ZNF414: variants seen among roughly 807,000 people sequenced by gnomAD.
The protein encoded by ZNF414 is zinc finger protein 414.
ZNF414 carries 32 observed loss-of-function variants against 38.3 expected under a neutral mutation model. That is an observed-to-expected ratio of 0.83 (90% confidence interval 0.63 to 1.12). The LOEUF (loss-of-function observed/expected upper bound fraction) is 1.12. Ranked by LOEUF, ZNF414 falls within the 50% of genes most tolerant of loss-of-function variation. The probability of loss-of-function intolerance (pLI) is 0.00; values close to 1 mark genes in which losing one functional copy is unlikely to be tolerated. For missense variants in ZNF414, 589 were observed against 557.4 expected (o/e 1.06, Z -0.57); for synonymous variants, 256 against 248.0 (o/e 1.03, Z -0.30).
In ZNF414 at chr19:8,510,900, G is replaced by A; in HGVS notation, c.1050C>T (p.Gly350=). 8.6e-7 allele frequency: 1 copy of A among 1,169,036 alleles called. No individual in the cohort carries two copies. Among genetic ancestry groups the A allele is most frequent in the African/African-American group, 1.6e-5 (1 of 61,428 alleles). The allele number at this position is 1,169,036 out of a possible 1,614,324, so 72.4% of individuals were successfully genotyped here. A position where few individuals can be genotyped will look rare whatever the true frequency, so the allele number is the denominator to read the frequency against. ...GCCCGGCCGCGGGGGCCGCGGGGGC[G>A]CCGGGGCGGTGGTCCTCCAGGTGCA... The part of the protein sequence containing the change: ...MTLHLEDHRP[G]APAAPAAGPP... Residue 350 remains glycine, a synonymous_variant, in exon 7 of 8, where the codon GGC becomes GGT. Transcript: ENST00000393927.
rs915948391 is a variant in ZNF414 at position 8,513,172 on chromosome 19, C to A, written c.173G>T (p.Arg58Leu). Residue 58 changes from arginine (R) to leucine (L), a missense_variant, in exon 2 of 8, where the codon CGT (arginine) becomes CTT (leucine). By Grantham distance (102) the Arg-to-Leu change is moderately radical. Coordinates refer to ENST00000393927, the MANE Select transcript of ZNF414 (RefSeq NM_001146175.2). ...CTGCTGCATCCCTCCAGCCCCTCCA[C>A]GTTCCCACACTGGCGGTGTGGCTGC... is the stretch of plus-strand genomic sequence containing the variant. ...EQAATPPVWERGGAGGMQQGS... is the reference protein window; with the variant it reads ...EQAATPPVWELGGAGGMQQGS... The A allele has an allele frequency of 6.4e-7, 1 of 1,555,970 alleles. No homozygotes were observed. The highest frequency in any genetic ancestry group is 2.4e-5 in the East Asian group (1 of 42,116).
chr19:8,510,624 T>C lies in ZNF414; in HGVS notation c.*67A>G. The stretch of plus-strand genomic sequence containing the variant: ...CTTTATTGTCCACCCCAGCCCCCCT[T>C]CCCTGCAGCCCCCTCCAAATGACAA... On this transcript the variant is annotated 3_prime_UTR_variant, in exon 8 of 8. Coordinates refer to ENST00000393927, the MANE Select transcript of ZNF414 (RefSeq NM_001146175.2). The C allele has an allele frequency of 7.5e-7, 1 of 1,330,374 alleles. No individual in the cohort carries two copies. Among genetic ancestry groups the C allele is most frequent in the Non-Finnish European group, 1.0e-6 (1 of 970,756 alleles). The allele number at this position is 1,330,374 out of a possible 1,614,324, so 82.4% of individuals were successfully genotyped here.
intron 5 of ZNF414, 35 bp from the exon 6 acceptor site, chr19:8,511,571 G>A (rs1252466340): frequency 3.2e-6 from 5 of 1,556,498 alleles, no homozygotes; most frequent in Admixed American, 1.9e-5. Flanking sequence ...TCAGAGTCAG[G>A]GCGAGCCCAG....
intron 1 of ZNF414, 85 bp downstream of exon 1, chr19:8,513,959 C>A: frequency 7.6e-7 from 1 of 1,315,040 alleles, no homozygotes; most frequent in Non-Finnish European, 9.7e-7. Context: ...GGGGCGGGGT[C>A]GGCCGGAGGC....
At chr19:8,514,017 C>T in intron 1 of ZNF414, 27 bp downstream of exon 1, 1 of 1,448,006 alleles carries the variant, frequency 6.9e-7, no homozygotes, top group Non-Finnish European at 9.1e-7. Context: ...AGCTCCGCCG[C>T]GCCCGCGACC....
At chr19:8,511,077 C>G (rs1971906625) in intron 6 of ZNF414, 53 bp from the exon 7 acceptor site, 5 of 1,286,494 alleles carry the variant, frequency 3.9e-6, no homozygotes, top group East Asian at 3.1e-5. Context: ...CCAGAAGACC[C>G]GTGCGCCAAG....
In ZNF414 at chr19:8,514,104, G is replaced by A. The variant is rs947394647; in HGVS notation, c.-58C>T. ...CTCCGGCGGCTGCAGCTTAGGCGGC[G>A]GCCACCCTCTGGGCAGTGCGAGTTC... On this transcript the variant is annotated 5_prime_UTR_variant, in exon 1 of 8. Coordinates refer to ENST00000393927, the MANE Select transcript of ZNF414 (RefSeq NM_001146175.2). 6.5e-5 allele frequency: 94 copies of A among 1,451,554 alleles called. No individual in the cohort carries two copies. In the Middle Eastern group the frequency reaches 7.3e-4, roughly 11 times the overall value. 89.9% of individuals were successfully genotyped at this position (1,451,554 alleles called of 1,614,324 possible).
Position 8,513,101 on chromosome 19 carries a change from T to C in ZNF414, c.244A>G (p.Ser82Gly). Residue 82 changes from serine (S) to glycine (G), a missense_variant, in exon 2 of 8, where the codon AGC becomes GGC. Physicochemically the swap from Ser to Gly is moderately conservative, Grantham distance 56 (BLOSUM62 0). Transcript: ENST00000393927. ...PDSCQPGPGP[S>G]PGLTSIVSGT... Reference sequence around the variant, plus strand: ...GAGACTATGCTGGTCAGGCCAGGGCTGGGTCCGGGGCCAGGCTGGCAGCTG... The same window carrying C: ...GAGACTATGCTGGTCAGGCCAGGGCCGGGTCCGGGGCCAGGCTGGCAGCTG... 1 of 1,533,846 alleles carries C rather than the reference T, an allele frequency of 6.5e-7. No individual in the cohort carries two copies. The highest frequency in any genetic ancestry group is 8.8e-7 in the Non-Finnish European group (1 of 1,142,246).
intron 2 of ZNF414, 27 bp downstream of exon 2, chr19:8,513,002 T>G: frequency 7.0e-7 from 1 of 1,437,722 alleles, no homozygotes; most frequent in South Asian, 1.5e-5. Context: ...GGACTGTGAT[T>G]CCCCAGAAGA....
chr19:8,511,442 A>G (rs573707429), intron 6 of ZNF414, 44 bp downstream of exon 6: 1 of 1,602,296 alleles, frequency 6.2e-7, no homozygotes, highest in East Asian at 2.3e-5. Flanking sequence ...AGGGCGCAGG[A>G]AAGAAAGCCC....
At position 8,513,269 on chromosome 19, in the gene ZNF414, C is replaced by G; in HGVS notation, c.76G>C (p.Glu26Gln). Residue 26 changes from glutamate to glutamine, a missense_variant, in exon 2 of 8, where the codon GAG becomes CAG. Glu to Gln is a conservative substitution (Grantham distance 29). Coordinates refer to ENST00000393927, the MANE Select transcript of ZNF414 (RefSeq NM_001146175.2). ...GCTGGCACAGCCGGGGACAACACCTCCTTGTCGGTCTCACTGGAGCTGGGC... is the reference window on the plus strand; with the variant it reads ...GCTGGCACAGCCGGGGACAACACCTGCTTGTCGGTCTCACTGGAGCTGGGC... ...AEPSSSETDK[E>Q]VLSPAVPAAA... 1 of 1,595,862 alleles carries G rather than the reference C, an allele frequency of 6.3e-7. No individual in the cohort carries two copies. The highest frequency in any genetic ancestry group is 8.5e-7 in the Non-Finnish European group (1 of 1,178,278).
In ZNF414 at chr19:8,510,306, AAG is replaced by A. The variant is rs1971895497; in HGVS notation, c.*383_*384del. 3 of 143,478 alleles carry A rather than the reference AAG, an allele frequency of 2.1e-5. No homozygotes were observed. The highest frequency in any genetic ancestry group is 5.8e-5 in the African/African-American group (2 of 34,512). 8.9% of individuals were successfully genotyped at this position (143,478 alleles called of 1,614,324 possible). A position where few individuals can be genotyped will look rare whatever the true frequency, so the allele number is the denominator to read the frequency against. Reference sequence around the variant, plus strand: ...CTGTCTCAAAAAAGAAAAAAAAAAAAAGAAAAAAAAAAAAAAAGAAAACTGGA... The same window carrying A: ...CTGTCTCAAAAAAGAAAAAAAAAAAAAAAAAAAAAAAAAAAGAAAACTGGA... On this transcript the variant is annotated 3_prime_UTR_variant, in exon 8 of 8. Coordinates refer to ENST00000393927, the MANE Select transcript of ZNF414 (RefSeq NM_001146175.2).
intron 4 of ZNF414, 162 bp from the exon 5 acceptor site, chr19:8,512,122 G>C (rs1971926394): frequency 7.1e-7 from 1 of 1,403,508 alleles, no homozygotes; most frequent in African/African-American, 1.5e-5. Context: ...TGACCACTTC[G>C]GGTGGGAACC....
rs763014445 is a variant in ZNF414, at chr19:8,511,857, C to A, written c.634G>T (p.Ala212Ser). Reference sequence around the variant, plus strand: ...GGCGCGGGCGGCTCTCGGTCCAGGGCCGGGGGTGGCGGCGGGGCTGGGCTC... The same window carrying A: ...GGCGCGGGCGGCTCTCGGTCCAGGGACGGGGGTGGCGGCGGGGCTGGGCTC... ...AQSPAPPPPPALDREPPAPER... is the reference protein window; with the variant it reads ...AQSPAPPPPPSLDREPPAPER... The change falls in exon 5 of 8, where the codon GCC (alanine) becomes TCC (serine). Residue 212 changes from alanine to serine, a missense_variant. Coordinates refer to ENST00000393927, the MANE Select transcript of ZNF414 (RefSeq NM_001146175.2). 12 of 1,404,288 alleles carry A rather than the reference C, an allele frequency of 8.5e-6. No individual in the cohort carries two copies. The highest frequency in any genetic ancestry group is 1.1e-5 in the Non-Finnish European group (12 of 1,087,614). The allele number at this position is 1,404,288 out of a possible 1,614,324, so 87.0% of individuals were successfully genotyped here.
At chr19:8,513,917 G>T in intron 1 of ZNF414, 127 bp downstream of exon 1, 1 of 1,184,262 alleles carries the variant, frequency 8.4e-7, no homozygotes, top group South Asian at 2.1e-5. Context: ...CTCTCCGAGT[G>T]ACAGCCAGCG....
chr19:8,512,317 G>C, intron 4 of ZNF414, 70 bp downstream of exon 4: 2 of 1,583,264 alleles, frequency 1.3e-6, no homozygotes, highest in Non-Finnish European at 1.7e-6. Flanking sequence ...ACCAGGAAGG[G>C]AGGAAGGCCT....
chr19:8,512,419 G>C lies in ZNF414; in HGVS notation c.498C>G (p.Ser166Arg). ...AGCGATTGGGTTTGTAGTGCAGTTT[G>C]CTGTGAGCCACCAGCTCCTGCATGC... ...FPSMQELVAH[S>R]KLHYKPNRYF... The change falls in exon 4 of 8, where the codon AGC becomes AGG. Residue 166 changes from serine (S) to arginine (R), a missense_variant. Coordinates refer to ENST00000393927, the MANE Select transcript of ZNF414 (RefSeq NM_001146175.2). 6.2e-7 allele frequency: 1 copy of C among 1,614,212 alleles called. No individual in the cohort carries two copies. The highest frequency in any genetic ancestry group is 1.1e-5 in the South Asian group (1 of 91,082).
At position 8,512,770 on chromosome 19, in the gene ZNF414, C is replaced by T. The variant is rs1599892247; in HGVS notation, c.317-59G>A. On this transcript the variant is annotated intron_variant, in intron 2 of 7. Coordinates refer to ENST00000393927, the MANE Select transcript of ZNF414 (RefSeq NM_001146175.2). ...CTTCCTCACTAGTGCTGTCCCTGAC[C>T]CCAGGGTTCTGCCCCAGAGAAGCAA... 8 of 1,410,208 alleles carry T rather than the reference C, an allele frequency of 5.7e-6. No homozygotes were observed. In the East Asian group the frequency reaches 1.2e-4, roughly 22 times the overall value. The allele number at this position is 1,410,208 out of a possible 1,614,324, so 87.4% of individuals were successfully genotyped here.
chr19:8,511,671 C>T lies in ZNF414; in HGVS notation c.820G>A (p.Ala274Thr), dbSNP rs1457604149. The T allele has an allele frequency of 2.7e-6, 4 of 1,500,540 alleles. No individual in the cohort carries two copies. The highest frequency in any genetic ancestry group is 2.7e-6 in the Non-Finnish European group (3 of 1,129,272). The allele number at this position is 1,500,540 out of a possible 1,614,324, so 93.0% of individuals were successfully genotyped here. ...GAAGCCGGCGGCCCGGGTGCAGCGG[C>T]CAGGAAGGGGCGCAGGCGCGGGGGG... ...LSPPRLRPFL[A>T]AAPGPPASSA... Residue 274 changes from alanine to threonine, a missense_variant, in exon 5 of 8, where the codon GCC (alanine) becomes ACC (threonine). Physicochemically the swap from Ala to Thr is moderately conservative, Grantham distance 58. Transcript: ENST00000393927.
Sources: allele counts gnomAD v4.1 joint callset, GRCh38; gene constraint gnomAD v4.1.1; transcripts MANE v1.5; gene names NCBI Gene and HGNC (gene_info 2026-07-23, HGNC 2026-07-21).